The following PPP2R2B variants were observed in gnomAD, a reference collection of about 807,000 sequenced individuals.
PPP2R2B encodes serine/threonine-protein phosphatase 2A 55 kDa regulatory subunit B beta isoform.
PPP2R2B carries 5 observed loss-of-function variants against 46.0 expected under a neutral mutation model. The observed-to-expected ratio is 0.11, with a 90% confidence interval of 0.06 to 0.23. The LOEUF is 0.23. PPP2R2B is among the 10% of genes least tolerant of loss of function. PPP2R2B has a pLI of 1.00. For missense variants in PPP2R2B, 367 were observed against 575.0 expected (o/e 0.64, Z 3.70); for synonymous variants, 215 against 206.7 (o/e 1.04, Z -0.34).
intron 7 of PPP2R2B, among the ~76,000 whole-genome samples, chr5:146,623,417 C>T (rs892736032): frequency 2.0e-5 from 3 of 152,214 alleles, no homozygotes; most frequent in Admixed American, 1.3e-4. Flanking sequence ...TGTCCCACCA[C>T]GATAAGTGTA....
chr5:146,646,914 T>C (rs1417274362), intron 6 of PPP2R2B, among the ~76,000 whole-genome samples: 2 of 152,084 alleles, frequency 1.3e-5, no homozygotes, highest in Admixed American at 6.6e-5. Context: ...TTTCTACAGA[T>C]GAACAAAATG....
chr5:146,620,559 T>G (rs995479088), intron 7 of PPP2R2B, among the ~76,000 whole-genome samples: 37 of 152,114 alleles, frequency 2.4e-4, no homozygotes, highest in Non-Finnish European at 1.0e-4. Context: ...GGTCTTTCAC[T>G]CTCTGCAAGG....
At chr5:146,715,472 G>A (rs575924174) in intron 2 of PPP2R2B, among the ~76,000 whole-genome samples, 2 of 152,146 alleles carry the variant, frequency 1.3e-5, no homozygotes, top group East Asian at 1.9e-4. Context: ...CACGGCGTTC[G>A]ACCCTCTATA....
At chr5:146,912,410 G>A (rs1038096256) in intron 1 of PPP2R2B, among the ~76,000 whole-genome samples, 1 of 152,024 alleles carries the variant, frequency 6.6e-6, no homozygotes, top group Non-Finnish European at 1.5e-5. Flanking sequence ...GGGAGAGAGT[G>A]AGCATTCTGA....
At chr5:146,671,216 G>A (rs368617332) in intron 5 of PPP2R2B, among the ~76,000 whole-genome samples, 2 of 152,148 alleles carry the variant, frequency 1.3e-5, no homozygotes, top group African/African-American at 2.4e-5. Flanking sequence ...TATACACCAA[G>A]GTAGTATGTT....
chr5:146,647,344 A>G (rs1054035207), intron 6 of PPP2R2B, among the ~76,000 whole-genome samples: 5 of 152,214 alleles, frequency 3.3e-5, no homozygotes, highest in African/African-American at 1.2e-4. Context: ...GGCATTGTGG[A>G]AATGAGACCT....
intron 1 of PPP2R2B, among the ~76,000 whole-genome samples, chr5:147,018,296 T>A (rs988311500): frequency 1.3e-5 from 2 of 152,172 alleles, no homozygotes; most frequent in African/African-American, 4.8e-5. Flanking sequence ...AACAACTTTC[T>A]ATCATCCAGT....
intron 7 of PPP2R2B, among the ~76,000 whole-genome samples, chr5:146,629,821 C>T (rs1278762898): frequency 1.3e-5 from 2 of 151,442 alleles, no homozygotes; most frequent in African/African-American, 4.9e-5. Context: ...CTCTCCCTCT[C>T]CCTCTCCCTT....
chr5:146,685,009 A>T (rs1450356796), intron 5 of PPP2R2B, among the ~76,000 whole-genome samples: 1 of 152,172 alleles, frequency 6.6e-6, no homozygotes, highest in Non-Finnish European at 1.5e-5. Context: ...TGTCTCCTCC[A>T]TGCCCCCTAA....
At chr5:146,743,402 C>T (rs772960716) in intron 2 of PPP2R2B, among the ~76,000 whole-genome samples, 5 of 152,166 alleles carry the variant, frequency 3.3e-5, no homozygotes, top group Non-Finnish European at 5.9e-5. Flanking sequence ...AGGAAGGCAT[C>T]ATATTCAGCA....
At chr5:146,940,328 A>C (rs1764280928) in intron 1 of PPP2R2B, among the ~76,000 whole-genome samples, 1 of 152,162 alleles carries the variant, frequency 6.6e-6, no homozygotes, top group Non-Finnish European at 1.5e-5. Flanking sequence ...AAATGTGAAC[A>C]TCTATTCCAA....
intron 1 of PPP2R2B, among the ~76,000 whole-genome samples, chr5:147,048,613 G>T (rs1295867195): frequency 6.6e-6 from 1 of 152,094 alleles, no homozygotes; most frequent in Non-Finnish European, 1.5e-5. Context: ...CAGGCATTAT[G>T]CTAGGTGTTT....
chr5:146,900,838 C>A (rs1023698479), intron 1 of PPP2R2B, among the ~76,000 whole-genome samples: 1 of 151,554 alleles, frequency 6.6e-6, no homozygotes, highest in Non-Finnish European at 1.5e-5. Flanking sequence ...TTGTTCCCCT[C>A]CCTGTGTTTA....
chr5:146,762,953 T>C (rs190238101), intron 2 of PPP2R2B, among the ~76,000 whole-genome samples: 21 of 152,326 alleles, frequency 1.4e-4, no homozygotes, highest in Admixed American at 1.3e-3. Flanking sequence ...TTGAGTTCTC[T>C]AGTTGAGCCT....
intron 7 of PPP2R2B, among the ~76,000 whole-genome samples, chr5:146,627,861 T>G (rs1774164046): frequency 6.6e-6 from 1 of 152,200 alleles, no homozygotes; most frequent in African/African-American, 2.4e-5. Context: ...TGATTTGCAT[T>G]GTTGGACTGG....
At chr5:147,024,421 T>C (rs1293879771) in intron 1 of PPP2R2B, among the ~76,000 whole-genome samples, 1 of 152,172 alleles carries the variant, frequency 6.6e-6, no homozygotes, top group East Asian at 1.9e-4. Context: ...ACAAGTAGAA[T>C]GAATATCAGT....
chr5:146,751,966 G>C (rs1753581375), intron 2 of PPP2R2B, among the ~76,000 whole-genome samples: 1 of 152,144 alleles, frequency 6.6e-6, no homozygotes, highest in Non-Finnish European at 1.5e-5. Flanking sequence ...CAGGAAATGG[G>C]GGTAGGGAGG....
At chr5:146,973,190 GT>G (rs1215567836) in intron 1 of PPP2R2B, among the ~76,000 whole-genome samples, 2 of 152,020 alleles carry the variant, frequency 1.3e-5, no homozygotes, top group Non-Finnish European at 2.9e-5. Context: ...TGGTTACTTG[GT>G]TGTCCCAGTA....
At chr5:146,594,843 C>A (rs1323548700) in intron 8 of PPP2R2B, among the ~76,000 whole-genome samples, 2 of 152,154 alleles carry the variant, frequency 1.3e-5, no homozygotes, top group African/African-American at 4.8e-5. Context: ...TGTGTGAAAG[C>A]AGAGGGAGGC....
Sources: allele counts gnomAD v4.1 joint callset (sites outside exome capture counted in the v4.1 genomes callset), GRCh38; gene constraint gnomAD v4.1.1; transcripts MANE v1.5; gene names NCBI Gene and HGNC (gene_info 2026-07-23, HGNC 2026-07-21).